Variants in GPSM2 observed in about 807,000 individuals in gnomAD.
GPSM2 encodes the protein G protein signaling modulator 2, also known as G protein-signaling modulator 2.
A neutral mutation model predicts 78.4 loss-of-function variants in GPSM2; 58 were observed. The observed-to-expected ratio is 0.74, with a 90% CI of 0.60 to 0.92. The LOEUF (loss-of-function observed/expected upper bound fraction) is 0.92, where lower values mean the gene tolerates loss of function less well. Ranked by LOEUF, GPSM2 falls within the 40% of genes least tolerant of loss-of-function variation. The pLI, the probability that GPSM2 is intolerant of heterozygous loss-of-function variation, is 0.00. For synonymous variants in GPSM2, 224 were observed against 280.2 expected, an observed-to-expected ratio of 0.80 and a Z score of 2.00; for missense variants, 700 against 815.5, an observed-to-expected ratio of 0.86 and a Z score of 1.73.
At chr1:108,896,518 C>G (rs1648380191) in intron 2 of GPSM2, among the ~76,000 whole-genome samples, 1 of 152,150 alleles carries the variant, frequency 6.6e-6, no homozygotes, top group Non-Finnish European at 1.5e-5. Context: ...TTCTCAGACT[C>G]TAAGGAAGTC....
rs1445810678 is a variant in GPSM2, at chr1:108,922,521, C to A, written c.1545C>A (p.Asn515Lys). 6.2e-7 allele frequency: 1 copy of A among 1,606,186 alleles called. No homozygotes were observed. The highest frequency in any genetic ancestry group is 2.2e-5 in the East Asian group (1 of 44,830). Residue 515 changes from asparagine (N) to lysine (K), a missense_variant, in exon 13 of 15, where the codon AAC becomes AAA. Transcript: ENST00000264126. ...DDQRCCLQEK[N>K]CHTASTTTSS... ...AGAGATGTTGCTTACAAGAAAAGAACTGCCATACAGCTTCAACAACAACTT... is the reference window on the plus strand; with the variant it reads ...AGAGATGTTGCTTACAAGAAAAGAAATGCCATACAGCTTCAACAACAACTT...
intron 12 of GPSM2, among the ~76,000 whole-genome samples, chr1:108,919,309 A>G (rs1434986377): frequency 6.6e-6 from 1 of 152,110 alleles, no homozygotes; most frequent in Admixed American, 6.6e-5. Context: ...CGCCTGGCCA[A>G]TAATTATTTA....
intron 1 of GPSM2, among the ~76,000 whole-genome samples, chr1:108,884,737 A>G (rs1338165900): frequency 1.3e-5 from 2 of 152,228 alleles, no homozygotes; most frequent in Non-Finnish European, 1.5e-5. Flanking sequence ...TCTTTTTACC[A>G]TATACATATT....
chr1:108,927,494 G>A (rs1651194327), intron 14 of GPSM2, among the ~76,000 whole-genome samples: 1 of 152,168 alleles, frequency 6.6e-6, no homozygotes. Context: ...CCTTGCATGT[G>A]TGGTCAAATA....
At chr1:108,896,740 C>G (rs338468) in intron 2 of GPSM2, 124 bp from the exon 3 acceptor site, 3 of 789,238 alleles carry the variant, frequency 3.8e-6, no homozygotes, top group Non-Finnish European at 6.8e-6. Context: ...TGTATATAAA[C>G]TTCAGTTATA....
Position 108,933,609 on chromosome 1 carries a change from A to ATAAC in GPSM2, c.*3671_*3674dup, listed in dbSNP as rs1346808565. On this transcript the variant is annotated 3_prime_UTR_variant, in exon 15 of 15. Coordinates refer to ENST00000264126, the MANE Select transcript of GPSM2 (RefSeq NM_013296.5). ...TATCACTTTTAGTAAGCAGTTGAACATAACTTGTAGTGTGAATATGGTTAA... is the reference window on the plus strand; with the variant it reads ...TATCACTTTTAGTAAGCAGTTGAACATAACTAACTTGTAGTGTGAATATGGTTAA... 3.3e-5 allele frequency: 5 copies of ATAAC among 152,286 alleles called. No homozygotes were observed. The highest frequency in any genetic ancestry group is 7.3e-5 in the Non-Finnish European group (5 of 68,052). The allele number at this position is 152,286 out of a possible 1,614,324, so 9.4% of individuals were successfully genotyped here. A position where few individuals can be genotyped will look rare whatever the true frequency, so the allele number is the denominator to read the frequency against.
chr1:108,897,580 GT>G lies in GPSM2; in HGVS notation c.370del (p.Cys124ValfsTer6), dbSNP rs1237224044. 6.2e-7 allele frequency: 1 copy of G among 1,613,604 alleles called. No individual in the cohort carries two copies. The highest frequency in any genetic ancestry group is 1.3e-5 in the African/African-American group (1 of 74,882). On this transcript the variant is annotated frameshift_variant, in exon 4 of 15. Transcript: ENST00000264126. LOFTEE classifies it high-confidence loss of function. ...TCTTGGGAATTTTGACGAAGCCATA[GT>G]TTGTTGTCAGCGACACCTAGATATT... The part of the protein sequence containing the change: ...KVLGNFDEAI[V>X]CCQRHLDISR...
intron 1 of GPSM2, among the ~76,000 whole-genome samples, chr1:108,881,086 C>G (rs1344837472): frequency 1.3e-5 from 2 of 152,152 alleles, no homozygotes; most frequent in Admixed American, 1.3e-4. Flanking sequence ...ATTTTGACTT[C>G]CTAATCAGAT....
intron 7 of GPSM2, among the ~76,000 whole-genome samples, chr1:108,901,091 G>A (rs1037500959): frequency 1.3e-5 from 2 of 152,084 alleles, no homozygotes; most frequent in East Asian, 3.8e-4. Context: ...AAAATCCTTC[G>A]AGATATTTCC....
intron 10 of GPSM2, among the ~76,000 whole-genome samples, chr1:108,905,629 C>T (rs951242468): frequency 7.0e-4 from 106 of 152,218 alleles, no homozygotes; most frequent in African/African-American, 2.5e-3. Context: ...TTGTAGTGCT[C>T]AGGGTTCAGT....
At chr1:108,898,835 TCA>T in intron 6 of GPSM2, 42 bp from the exon 7 acceptor site, 1 of 1,599,858 alleles carries the variant, frequency 6.3e-7, no homozygotes, top group Non-Finnish European at 8.6e-7. Context: ...AGATCATTCT[TCA>T]GTTTTATTTT....
intron 9 of GPSM2, among the ~76,000 whole-genome samples, 157 bp from the exon 10 acceptor site, chr1:108,903,967 GA>G (rs1158627725): frequency 3.3e-5 from 5 of 151,934 alleles, no homozygotes; most frequent in Non-Finnish European, 7.4e-5. Context: ...ACTATTAATG[GA>G]AAAAAATTTT....
At chr1:108,885,829 CT>C (rs1647494978) in intron 2 of GPSM2, among the ~76,000 whole-genome samples, 2 of 151,996 alleles carry the variant, frequency 1.3e-5, no homozygotes, top group African/African-American at 4.8e-5. Context: ...TAATTTGTAA[CT>C]TTTTATGTAA....
chr1:108,903,737 A>G (rs1318666095), intron 9 of GPSM2, among the ~76,000 whole-genome samples: 1 of 152,196 alleles, frequency 6.6e-6, no homozygotes, highest in African/African-American at 2.4e-5. Context: ...TGCTGGCTTA[A>G]TAAACATTAT....
At chr1:108,915,852 T>A (rs899024863) in intron 11 of GPSM2, among the ~76,000 whole-genome samples, 1 of 152,186 alleles carries the variant, frequency 6.6e-6, no homozygotes, top group African/African-American at 2.4e-5. Flanking sequence ...TAATTCTGCC[T>A]CCTGATGGTA....
At chr1:108,926,122 TA>T (rs1485058553) in intron 14 of GPSM2, among the ~76,000 whole-genome samples, 1 of 152,054 alleles carries the variant, frequency 6.6e-6, no homozygotes, top group African/African-American at 2.4e-5. Context: ...AAACTGAAAC[TA>T]GGGGGAAAGT....
At chr1:108,917,807 C>A (rs555241223) in intron 11 of GPSM2, among the ~76,000 whole-genome samples, 1 of 150,622 alleles carries the variant, frequency 6.6e-6, no homozygotes, top group Non-Finnish European at 1.5e-5. Context: ...CTCCCCTGTA[C>A]ATTTATTTCA....
intron 7 of GPSM2, among the ~76,000 whole-genome samples, chr1:108,900,697 G>A (rs1648742768): frequency 6.6e-6 from 1 of 152,116 alleles, no homozygotes; most frequent in African/African-American, 2.4e-5. Context: ...AAGAATAATG[G>A]TATGCCAGAA....
At chr1:108,897,888 A>T in intron 4 of GPSM2, 71 bp from the exon 5 acceptor site, 2 of 1,482,140 alleles carry the variant, frequency 1.3e-6, no homozygotes, top group Non-Finnish European at 1.9e-6. Flanking sequence ...AATACTAAGG[A>T]TATTACAAAT....
Sources: allele counts gnomAD v4.1 joint callset (sites outside exome capture counted in the v4.1 genomes callset), GRCh38; gene constraint gnomAD v4.1.1; transcripts MANE v1.5; gene names NCBI Gene and HGNC (gene_info 2026-07-23, HGNC 2026-07-21).